The following CCDC152 variants were observed in gnomAD, a reference collection of about 807,000 sequenced individuals.
CCDC152 encodes the protein coiled-coil domain-containing protein 152.
Under a neutral mutation model 38.1 loss-of-function variants are expected in CCDC152, and 37 were observed. The observed-to-expected ratio is 0.97, with a 90% CI of 0.75 to 1.28. The LOEUF (loss-of-function observed/expected upper bound fraction) is 1.28, where lower values mean the gene tolerates loss of function less well. CCDC152 is among the 50% of genes most tolerant of loss of function. The pLI is 0.00. For missense variants in CCDC152, 259 were observed against 292.1 expected (o/e 0.89, Z 0.83); for synonymous variants, 83 against 87.1 (o/e 0.95, Z 0.26).
intron 4 of CCDC152, among the ~76,000 whole-genome samples, chr5:42,775,185 A>T (rs1338065691): frequency 6.6e-6 from 1 of 152,132 alleles, no homozygotes; most frequent in Non-Finnish European, 1.5e-5. Context: ...AATTTCCCCT[A>T]ATTAATATCA....
chr5:42,784,993 T>C (rs887634339), intron 6 of CCDC152, among the ~76,000 whole-genome samples: 3 of 152,180 alleles, frequency 2.0e-5, no homozygotes, highest in Non-Finnish European at 4.4e-5. Context: ...ACTATGCTGT[T>C]TTGGCTATTA....
intron 4 of CCDC152, among the ~76,000 whole-genome samples, chr5:42,778,493 G>T (rs1759797294): frequency 6.6e-6 from 1 of 152,106 alleles, no homozygotes; most frequent in African/African-American, 2.4e-5. Flanking sequence ...AACCGACCTG[G>T]ATGTTTAGTA....
intron 6 of CCDC152, among the ~76,000 whole-genome samples, chr5:42,785,599 A>G (rs1291700914): frequency 6.6e-6 from 1 of 152,022 alleles, no homozygotes; most frequent in African/African-American, 2.4e-5. Flanking sequence ...CCCCTTTTCC[A>G]ATTTGAATGG....
In CCDC152 at chr5:42,799,433, T is replaced by C. The variant is rs766726758; in HGVS notation, c.617T>C (p.Val206Ala). ...TKSKSYQDSTVLPQSIYRRKL... is the reference protein window; with the variant it reads ...TKSKSYQDSTALPQSIYRRKL... ...TCAAAATCATATCAGGATTCTACTGTTTTGCCACAAAGTATCTACAGAAGG... is the reference window on the plus strand; with the variant it reads ...TCAAAATCATATCAGGATTCTACTGCTTTGCCACAAAGTATCTACAGAAGG... The change falls in exon 8 of 9, where the codon GTT becomes GCT. Residue 206 changes from valine (V) to alanine (A), a missense_variant. Coordinates refer to ENST00000361970, the MANE Select transcript of CCDC152 (RefSeq NM_001134848.2). The C allele has an allele frequency of 1.8e-5, 28 of 1,545,760 alleles. No homozygotes were observed. The South Asian group carries it at 3.0e-4, about 17-fold the overall frequency.
At chr5:42,792,945 C>A (rs151304166) in intron 6 of CCDC152, among the ~76,000 whole-genome samples, 1 of 152,140 alleles carries the variant, frequency 6.6e-6, no homozygotes, top group Non-Finnish European at 1.5e-5. Context: ...ATTCGCACTC[C>A]TGGGTATTTA....
At position 42,801,019 on chromosome 5, in the gene CCDC152, T is replaced by TTATACATC; in HGVS notation, c.*1240_*1247dup. The TTATACATC allele has an allele frequency of 6.2e-7, 1 of 1,614,224 alleles. No homozygotes were observed. Among genetic ancestry groups the TTATACATC allele is most frequent in the Non-Finnish European group, 8.5e-7 (1 of 1,180,024 alleles). On this transcript the variant is annotated 3_prime_UTR_variant, in exon 9 of 9. Coordinates refer to ENST00000361970, the MANE Select transcript of CCDC152 (RefSeq NM_001134848.2). ...GTGGGCAATTTACAGAGTAATTGAT[T>TTATACATC]TATACATCTCTTTCGACAGAGCTTC...
chr5:42,779,584 G>GA (rs11427149), intron 5 of CCDC152, 62 bp downstream of exon 5: 520,824 of 776,066 alleles, frequency 0.67, 169,381 homozygotes, highest in East Asian at 0.83. Context: ...TTCAAATTAG[G>GA]AAAAAAAAAG....
At chr5:42,793,937 G>A (rs532935122) in intron 6 of CCDC152, among the ~76,000 whole-genome samples, 2 of 152,162 alleles carry the variant, frequency 1.3e-5, no homozygotes, top group East Asian at 3.9e-4. Flanking sequence ...TGGAGAACTG[G>A]AAATTATACT....
intron 6 of CCDC152, among the ~76,000 whole-genome samples, chr5:42,791,502 G>C (rs1759999434): frequency 6.6e-6 from 1 of 152,148 alleles, no homozygotes; most frequent in South Asian, 2.1e-4. Context: ...CACATTTCTG[G>C]TGGCCTTGGC....
chr5:42,799,765 A>G lies in CCDC152; in HGVS notation c.749A>G (p.Lys250Arg), dbSNP rs748255546. 3 of 1,550,958 alleles carry G rather than the reference A, an allele frequency of 1.9e-6. No individual in the cohort carries two copies. The highest frequency in any genetic ancestry group is 1.2e-5 in the South Asian group (1 of 83,886). ...TCTGTTGGCAAAGATTCTCACCTTA[A>G]GCGTAGACGGTTTTGAGCTTAGCAG... ...RLSVGKDSHLKRRRF is the reference protein window; with the variant it reads ...RLSVGKDSHLRRRRF The change falls in exon 9 of 9, where the codon AAG becomes AGG. Residue 250 changes from lysine (K) to arginine (R), a missense_variant. Transcript: ENST00000361970.
intron 3 of CCDC152, among the ~76,000 whole-genome samples, chr5:42,764,339 A>G (rs1759597761): frequency 6.6e-6 from 1 of 152,146 alleles, no homozygotes; most frequent in Non-Finnish European, 1.5e-5. Context: ...GTATATTCAA[A>G]CATTTGAAGA....
intron 7 of CCDC152, 22 bp from the exon 8 acceptor site, chr5:42,799,353 C>T: frequency 3.1e-6 from 4 of 1,306,088 alleles, no homozygotes; most frequent in Non-Finnish European, 4.2e-6. Flanking sequence ...GTTTCAATAA[C>T]TTTCTTTTCA....
chr5:42,769,189 C>A lies in CCDC152; in HGVS notation c.194-408C>A, dbSNP rs987540323. On this transcript the variant is annotated intron_variant, in intron 3 of 8. Coordinates refer to ENST00000361970, the MANE Select transcript of CCDC152 (RefSeq NM_001134848.2). ...ACTTGAGCCTGGGAGGCGGAGGTTG[C>A]GTGAGCCGACATCGTGCCACTGCAC... 2.6e-5 allele frequency among the ~76,000 whole-genome samples: 4 copies of A among 151,460 alleles called. No individual in the cohort carries two copies. The East Asian group carries it at 7.8e-4, about 29-fold the overall frequency.
At chr5:42,774,257 T>C (rs996744150) in intron 4 of CCDC152, among the ~76,000 whole-genome samples, 2 of 152,268 alleles carry the variant, frequency 1.3e-5, no homozygotes, top group Admixed American at 6.5e-5. Context: ...ATCTAAGAGA[T>C]TAAAAATTTC....
intron 6 of CCDC152, among the ~76,000 whole-genome samples, chr5:42,787,860 C>G (rs886966286): frequency 5.3e-5 from 8 of 152,128 alleles, no homozygotes; most frequent in Admixed American, 1.3e-4. Flanking sequence ...TAGGATGGGT[C>G]TCTTGAAGTC....
At chr5:42,765,270 C>G (rs987971473) in intron 3 of CCDC152, among the ~76,000 whole-genome samples, 5 of 151,984 alleles carry the variant, frequency 3.3e-5, no homozygotes, top group Admixed American at 2.6e-4. Flanking sequence ...GAAGAGGACA[C>G]CAAAAAATGG....
intron 6 of CCDC152, among the ~76,000 whole-genome samples, chr5:42,790,502 C>A (rs1759984578): frequency 6.6e-6 from 1 of 152,104 alleles, no homozygotes; most frequent in Non-Finnish European, 1.5e-5. Flanking sequence ...TTTAAAAATG[C>A]AATGAGTTAA....
At chr5:42,759,358 A>C in intron 2 of CCDC152, 150 bp downstream of exon 2, 2 of 533,246 alleles carry the variant, frequency 3.8e-6, no homozygotes, top group Non-Finnish European at 6.7e-6. Context: ...TCATTTTAAA[A>C]CTCCATGTTT....
At chr5:42,775,127 T>G (rs963898710) in intron 4 of CCDC152, among the ~76,000 whole-genome samples, 5 of 143,380 alleles carry the variant, frequency 3.5e-5, no homozygotes, top group East Asian at 2.1e-4. Context: ...AGAAGAAAAA[T>G]AAAGAAAGAA....
Sources: gnomAD v4.1 joint callset for allele counts (sites outside exome capture counted in the v4.1 genomes callset) on GRCh38, gnomAD v4.1.1 for gene constraint, MANE v1.5 for transcripts, NCBI Gene and HGNC (gene_info 2026-07-23, HGNC 2026-07-21) for gene names.